Variants in NEBL observed in about 807,000 individuals in gnomAD.
NEBL encodes the protein nebulette, also known as LIM and SH3 protein 2.
Under a neutral mutation model 140.2 loss-of-function variants are expected in NEBL, and 122 were observed. The ratio of observed to expected loss-of-function variants is 0.87; its 90% CI spans 0.75 to 1.01. The LOEUF (loss-of-function observed/expected upper bound fraction) is 1.01. Ranked by LOEUF, NEBL falls within the 50% of genes least tolerant of loss-of-function variation. The pLI is 0.00. For synonymous variants in NEBL, 436 were observed against 398.9 expected (o/e 1.09, Z -1.11); for missense variants, 1,365 against 1,231.3 (o/e 1.11, Z -1.62).
intron 2 of NEBL, among the ~76,000 whole-genome samples, chr10:21,046,644 A>G (rs1834526317): frequency 6.6e-6 from 1 of 152,202 alleles, no homozygotes; most frequent in Non-Finnish European, 1.5e-5. Context: ...TCTGTCGCCC[A>G]GGCTGGAGTG....
intron 2 of NEBL, among the ~76,000 whole-genome samples, chr10:21,250,320 C>G (rs533877855): frequency 6.6e-6 from 1 of 152,256 alleles, no homozygotes; most frequent in East Asian, 1.9e-4. Context: ...ATTGGCCTAG[C>G]CTCCCAGCCT....
intron 3 of NEBL, among the ~76,000 whole-genome samples, chr10:20,980,458 A>G (rs567338943): frequency 2.6e-5 from 4 of 152,210 alleles, no homozygotes; most frequent in Non-Finnish European, 5.9e-5. Flanking sequence ...AGAAGAAAGA[A>G]AAATAAACAG....
At chr10:21,233,757 GAT>G (rs1171042856) in intron 3 of NEBL, among the ~76,000 whole-genome samples, 1 of 132,034 alleles carries the variant, frequency 7.6e-6, no homozygotes, top group East Asian at 2.1e-4. Flanking sequence ...ATTACATATA[GAT>G]ATATATTACA....
intron 26 of NEBL, among the ~76,000 whole-genome samples, chr10:20,807,255 G>A (rs1360283880): frequency 6.6e-6 from 1 of 152,214 alleles, no homozygotes; most frequent in Non-Finnish European, 1.5e-5. Flanking sequence ...GAACCCAGGA[G>A]GTGAAGGCTG....
chr10:21,008,951 T>TA (rs1459689972), intron 3 of NEBL, among the ~76,000 whole-genome samples: 1 of 151,406 alleles, frequency 6.6e-6, no homozygotes, highest in Non-Finnish European at 1.5e-5. Context: ...TATATGTATA[T>TA]AAAAAACCCA....
intron 26 of NEBL, among the ~76,000 whole-genome samples, chr10:20,796,401 T>TAA (rs1836547787): frequency 7.1e-6 from 1 of 141,438 alleles, no homozygotes; most frequent in African/African-American, 2.6e-5. Context: ...AAAACTTCTC[T>TAA]AAAATATTAT....
intron 3 of NEBL, among the ~76,000 whole-genome samples, chr10:21,007,822 T>G (rs1157236755): frequency 6.6e-6 from 1 of 152,214 alleles, no homozygotes; most frequent in African/African-American, 2.4e-5. Context: ...TCAGTAATAT[T>G]TTGAAAAAGA....
intron 2 of NEBL, among the ~76,000 whole-genome samples, chr10:21,122,225 C>T (rs1838612775): frequency 6.6e-6 from 1 of 152,106 alleles, no homozygotes; most frequent in Non-Finnish European, 1.5e-5. Flanking sequence ...AGGGTTTCAC[C>T]ATGTTGGCCA....
At chr10:21,005,367 T>C (rs879740375) in intron 3 of NEBL, among the ~76,000 whole-genome samples, 20 of 152,300 alleles carry the variant, frequency 1.3e-4, no homozygotes, top group Middle Eastern at 3.4e-3. Flanking sequence ...GCCTGAATGG[T>C]AAAGCCTCAG....
At chr10:21,114,857 CCTGT>C (rs775917535) in intron 2 of NEBL, among the ~76,000 whole-genome samples, 31 of 151,564 alleles carry the variant, frequency 2.0e-4, no homozygotes, top group Non-Finnish European at 4.0e-4. Flanking sequence ...TCTGACAGAG[CCTGT>C]CTTTTAATTG....
At chr10:20,809,748 G>T in intron 25 of NEBL, 58 bp downstream of exon 25, 1 of 1,326,406 alleles carries the variant, frequency 7.5e-7, no homozygotes, top group Non-Finnish European at 1.1e-6. Flanking sequence ...ACAGTTCACA[G>T]TGGTTCACTT....
At chr10:20,905,792 G>A (rs1477377565) in intron 4 of NEBL, among the ~76,000 whole-genome samples, 1 of 152,156 alleles carries the variant, frequency 6.6e-6, no homozygotes, top group East Asian at 1.9e-4. Context: ...ATGAGGGAAG[G>A]AGAGGAGCTG....
chr10:20,947,491 T>C (rs768564854), intron 4 of NEBL, among the ~76,000 whole-genome samples: 2 of 152,178 alleles, frequency 1.3e-5, no homozygotes, highest in Non-Finnish European at 2.9e-5. Context: ...TTTTGGTGTA[T>C]GTATGACAAC....
At chr10:20,965,650 C>A (rs530779271) in intron 3 of NEBL, among the ~76,000 whole-genome samples, 1 of 152,128 alleles carries the variant, frequency 6.6e-6, no homozygotes, top group African/African-American at 2.4e-5. Context: ...GGTTTGTATG[C>A]GGAACAGCGG....
chr10:20,942,607 A>G (rs1369890135), intron 4 of NEBL, among the ~76,000 whole-genome samples: 1 of 152,258 alleles, frequency 6.6e-6, no homozygotes, highest in Admixed American at 6.5e-5. Flanking sequence ...ATTAAACTAA[A>G]GAGCTTCTGC....
chr10:21,033,741 GAA>G (rs1167108232), intron 2 of NEBL, among the ~76,000 whole-genome samples: 11 of 41,974 alleles, frequency 2.6e-4, no homozygotes, highest in African/African-American at 4.5e-4. Context: ...CTTTGTCTCC[GAA>G]AAAAAAAAAA....
intron 2 of NEBL, among the ~76,000 whole-genome samples, chr10:21,058,205 T>A (rs1419317309): frequency 6.6e-6 from 1 of 152,214 alleles, no homozygotes; most frequent in Non-Finnish European, 1.5e-5. Flanking sequence ...GAGCCAGGGT[T>A]AGTTCAGACA....
At chr10:21,162,699 C>A (rs536184315) in intron 2 of NEBL, among the ~76,000 whole-genome samples, 1 of 152,166 alleles carries the variant, frequency 6.6e-6, no homozygotes, top group African/African-American at 2.4e-5. Context: ...AAGACAAACA[C>A]GACCATCATA....
Position 20,814,043 on chromosome 10 carries a change from C to A in NEBL, c.2242G>T (p.Val748Leu). 1 of 1,564,348 alleles carries A rather than the reference C, an allele frequency of 6.4e-7. No individual in the cohort carries two copies. The highest frequency in any genetic ancestry group is 1.1e-5 in the South Asian group (1 of 90,030). Residue 748 changes from valine to leucine, a missense_variant and splice_region_variant, in exon 23 of 28, where the codon GTA becomes TTA. By Grantham distance (32) the Val-to-Leu change is conservative (BLOSUM62 1). Around this residue, in one of 2 missense-constraint regions of NEBL, gnomAD observed 1,323 missense variants for 1,154.8 expected, o/e 1.15. Coordinates refer to ENST00000377122, the MANE Select transcript of NEBL (RefSeq NM_006393.3). ...VKKNQENISS[V>L]KYTQDHKQMK... ...TGTTTATGGTCCTGGGTATATTTTA[C>A]CTGCAAAGTAAATAGTAGGCATAAG... is the stretch of plus-strand genomic sequence containing the variant.
Sources: allele counts gnomAD v4.1 joint callset (sites outside exome capture counted in the v4.1 genomes callset), GRCh38; gene constraint gnomAD v4.1.1; regional missense constraint gnomAD v4.1.1; transcripts MANE v1.5; gene names NCBI Gene and HGNC (gene_info 2026-07-23, HGNC 2026-07-21).